Variants in XYLT1 observed in about 807,000 individuals in gnomAD.
XYLT1 encodes xylosyltransferase 1.
Under a neutral mutation model 91.3 loss-of-function variants are expected in XYLT1, and 36 were observed. The observed-to-expected ratio is 0.39, with a 90% CI of 0.30 to 0.52. The LOEUF (loss-of-function observed/expected upper bound fraction) is 0.52. Ranked by LOEUF, XYLT1 falls within the 20% of genes least tolerant of loss-of-function variation. The pLI is 0.68. For missense variants in XYLT1, 1,242 were observed against 1,284.5 expected, an observed-to-expected ratio of 0.97 and a Z score of 0.51; for synonymous variants, 588 against 532.0, an observed-to-expected ratio of 1.11 and a Z score of -1.45.
At chr16:17,140,277 A>ATAAT (rs1419969518) in intron 7 of XYLT1, among the ~76,000 whole-genome samples, 1 of 152,328 alleles carries the variant, frequency 6.6e-6, no homozygotes, top group South Asian at 2.1e-4. Flanking sequence ...TCTTCAGGGA[A>ATAAT]TAATAGAGCA....
chr16:17,127,595 A>T, intron 10 of XYLT1, 71 bp downstream of exon 10: 1 of 1,508,576 alleles, frequency 6.6e-7, no homozygotes. Context: ...TAGAAGTGTC[A>T]GATAGTGGAG....
At chr16:17,225,786 C>T (rs1193685587) in intron 3 of XYLT1, among the ~76,000 whole-genome samples, 1 of 152,118 alleles carries the variant, frequency 6.6e-6, no homozygotes, top group Non-Finnish European at 1.5e-5. Context: ...CCCCATGAAT[C>T]ATAAATAATG....
chr16:17,219,724 C>T (rs2141607748), intron 3 of XYLT1, among the ~76,000 whole-genome samples: 1 of 152,294 alleles, frequency 6.6e-6, no homozygotes, highest in African/African-American at 2.4e-5. Flanking sequence ...TCACTGCAAC[C>T]TCTGCCTCTG....
chr16:17,185,278 G>A (rs1410465178), intron 5 of XYLT1, among the ~76,000 whole-genome samples: 1 of 152,230 alleles, frequency 6.6e-6, no homozygotes, highest in Non-Finnish European at 1.5e-5. Context: ...TGTGACTAGA[G>A]GCAAACAAAA....
chr16:17,342,040 A>G lies in XYLT1; in HGVS notation c.402+15972T>C, dbSNP rs560073347. ...CCATTTTCCAAGGCAAGGCCATGTCATTCCTCTGTTTAAAATCCTCTGAAG... is the reference window on the plus strand; with the variant it reads ...CCATTTTCCAAGGCAAGGCCATGTCGTTCCTCTGTTTAAAATCCTCTGAAG... On this transcript the variant is annotated intron_variant, in intron 2 of 11. Transcript: ENST00000261381. Among the ~76,000 whole-genome samples the G allele has an allele frequency of 5.9e-5, 9 of 152,258 alleles. No homozygotes were observed. In the East Asian group the frequency reaches 1.4e-3, roughly 23 times the overall value.
intron 1 of XYLT1, among the ~76,000 whole-genome samples, chr16:17,364,598 G>A (rs1353003635): frequency 6.6e-6 from 1 of 152,138 alleles, no homozygotes; most frequent in African/African-American, 2.4e-5. Context: ...CCTATGTCAC[G>A]TGACGGCAGT....
intron 2 of XYLT1, among the ~76,000 whole-genome samples, chr16:17,326,782 G>A (rs1051035211): frequency 1.7e-4 from 25 of 151,264 alleles, no homozygotes; most frequent in East Asian, 9.8e-4. Context: ...CCGAGATCGC[G>A]CCACTGCACT....
At chr16:17,144,383 C>T (rs187765655) in intron 6 of XYLT1, among the ~76,000 whole-genome samples, 5 of 152,272 alleles carry the variant, frequency 3.3e-5, no homozygotes, top group African/African-American at 7.2e-5. Context: ...TCTGACTGGG[C>T]AAATATGATA....
At chr16:17,122,343 G>A (rs779193980) in intron 10 of XYLT1, among the ~76,000 whole-genome samples, 2 of 152,122 alleles carry the variant, frequency 1.3e-5, no homozygotes, top group Non-Finnish European at 2.9e-5. Flanking sequence ...TTTCCTGATC[G>A]TTAGTGATGT....
Position 17,213,216 on chromosome 16 carries a change from C to T in XYLT1, c.914-12562G>A, listed in dbSNP as rs149544446. On this transcript the variant is annotated intron_variant, in intron 3 of 11. Coordinates refer to ENST00000261381, the MANE Select transcript of XYLT1 (RefSeq NM_022166.4). ...CACCTCCCCTGTCTTGCTCTTGTTC[C>T]GGCCCTGTAAGACATACCTACATCC... Among the ~76,000 whole-genome samples, 916 of 152,246 alleles carry T rather than the reference C, an allele frequency of 6.0e-3. 5 individuals are homozygous for T. The highest frequency in any genetic ancestry group is 0.028 in the East Asian group (147 of 5,174).
chr16:17,259,223 G>C lies in XYLT1; in HGVS notation c.678C>G (p.Asn226Lys), dbSNP rs545243033. 6.2e-7 allele frequency: 1 copy of C among 1,614,038 alleles called. No homozygotes were observed. Among genetic ancestry groups the C allele is most frequent in the South Asian group, 1.1e-5 (1 of 91,066 alleles). The change falls in exon 3 of 12, where the codon AAC (asparagine) becomes AAG (lysine). Residue 226 changes from asparagine to lysine, a missense_variant. Asn to Lys is a moderately conservative substitution (Grantham distance 94). Transcript: ENST00000261381. ...TGGACACATCCTTCCCGTGGCTGCT[G>C]TTGGCTGCGGCTCTGTCCCCGGGAG... ...VLPPGDRAAA[N>K]SSHGKDVSRP...
intron 3 of XYLT1, among the ~76,000 whole-genome samples, chr16:17,233,421 A>C (rs1280463662): frequency 1.3e-5 from 2 of 152,192 alleles, no homozygotes; most frequent in Non-Finnish European, 2.9e-5. Flanking sequence ...AGTGATGGAG[A>C]CTTCTGACTG....
intron 3 of XYLT1, among the ~76,000 whole-genome samples, chr16:17,229,109 A>G (rs1397440680): frequency 6.6e-6 from 1 of 152,192 alleles, no homozygotes; most frequent in African/African-American, 2.4e-5. Flanking sequence ...AGCTGGGATT[A>G]CCAATGAGTG....
intron 2 of XYLT1, among the ~76,000 whole-genome samples, chr16:17,282,961 C>CCG (rs2034079388): frequency 1.1e-5 from 1 of 88,098 alleles, no homozygotes; most frequent in Non-Finnish European, 2.4e-5. Flanking sequence ...CAATAAGTCA[C>CCG]CCCCCCCAAG....
rs566134163 is a variant in XYLT1 at position 17,385,269 on chromosome 16, T to TACACAC, written c.364-27225_364-27220dup. Among the ~76,000 whole-genome samples the TACACAC allele has an allele frequency of 7.2e-3, 861 of 119,972 alleles. 9 individuals are homozygous for TACACAC. Among genetic ancestry groups the TACACAC allele is most frequent in the Admixed American group, 9.1e-3 (114 of 12,492 alleles). The allele number at this position is 119,972 out of a possible 152,430, so 78.7% of individuals were successfully genotyped here. On this transcript the variant is annotated intron_variant, in intron 1 of 11. Transcript: ENST00000261381. Reference sequence around the variant, plus strand: ...TCCCCATAACACACATAAACACACATACACACACACACACACACACACACA... The same window carrying TACACAC: ...TCCCCATAACACACATAAACACACATACACACACACACACACACACACACACACACA...
intron 11 of XYLT1, among the ~76,000 whole-genome samples, chr16:17,111,173 A>T (rs1014235702): frequency 6.6e-6 from 1 of 152,124 alleles, no homozygotes; most frequent in African/African-American, 2.4e-5. Context: ...AAAAAATTTT[A>T]AAAATTGCAA....
At chr16:17,333,684 T>C (rs1400139952) in intron 2 of XYLT1, among the ~76,000 whole-genome samples, 1 of 147,942 alleles carries the variant, frequency 6.8e-6, no homozygotes, top group Admixed American at 6.9e-5. Flanking sequence ...GCCTCCCGAG[T>C]TCAAGCAATT....
chr16:17,126,501 T>C, intron 10 of XYLT1, among the ~76,000 whole-genome samples: 1 of 152,186 alleles, frequency 6.6e-6, no homozygotes, highest in Non-Finnish European at 1.5e-5. Context: ...CAAGAAACTC[T>C]CACTGGTGCC....
At chr16:17,358,072 T>TG in intron 1 of XYLT1, 22 bp from the exon 2 acceptor site, 1 of 1,611,178 alleles carries the variant, frequency 6.2e-7, no homozygotes, top group Non-Finnish European at 8.5e-7. Flanking sequence ...AAGGAGAAAA[T>TG]GCACGTGAGG....
Sources: gnomAD v4.1 joint callset for allele counts (sites outside exome capture counted in the v4.1 genomes callset) on GRCh38, gnomAD v4.1.1 for gene constraint, MANE v1.5 for transcripts, NCBI Gene and HGNC (gene_info 2026-07-23, HGNC 2026-07-21) for gene names.